The following SEMA6D variants were observed in gnomAD, a reference collection of about 807,000 sequenced individuals.
The protein encoded by SEMA6D is semaphorin 6D.
In SEMA6D, 35 loss-of-function variants were observed where a neutral mutation model predicts 106.6. The ratio of observed to expected loss-of-function variants is 0.33; its 90% confidence interval spans 0.25 to 0.44. The LOEUF (loss-of-function observed/expected upper bound fraction) is 0.44. Among genes scored for constraint, SEMA6D ranks in the 20% least tolerant of loss-of-function variants. The pLI is 1.00. For synonymous variants in SEMA6D, 499 were observed against 487.7 expected (o/e 1.02, Z -0.31); for missense variants, 1,185 against 1,345.9 (o/e 0.88, Z 1.87).
chr15:47,554,916 T>G (rs1047932760), intron 3 of SEMA6D, among the ~76,000 whole-genome samples: 3 of 152,166 alleles, frequency 2.0e-5, no homozygotes, highest in Middle Eastern at 3.2e-3. Flanking sequence ...GATAAATGAT[T>G]TATAATTATA....
At chr15:47,523,881 G>A (rs2044667110) in intron 3 of SEMA6D, among the ~76,000 whole-genome samples, 1 of 152,142 alleles carries the variant, frequency 6.6e-6, no homozygotes, top group Non-Finnish European at 1.5e-5. Context: ...TCATTATGTG[G>A]TAACTCAGAA....
chr15:47,211,159 TA>T (rs1220637520), intron 1 of SEMA6D, among the ~76,000 whole-genome samples: 1 of 152,172 alleles, frequency 6.6e-6, no homozygotes, highest in Non-Finnish European at 1.5e-5. Context: ...CATCTATCTA[TA>T]CTCTCTCTCT....
At chr15:47,648,724 T>A (rs780483877) in intron 4 of SEMA6D, among the ~76,000 whole-genome samples, 48 of 152,178 alleles carry the variant, frequency 3.2e-4, no homozygotes, top group Non-Finnish European at 1.3e-4. Context: ...TTTTTATGAC[T>A]TGTTTTATTA....
chr15:47,640,703 C>T (rs1177287026), intron 4 of SEMA6D, among the ~76,000 whole-genome samples: 5 of 152,106 alleles, frequency 3.3e-5, no homozygotes, highest in African/African-American at 1.2e-4. Flanking sequence ...TGACTCCTCC[C>T]TAGTGTTGAA....
intron 1 of SEMA6D, among the ~76,000 whole-genome samples, chr15:47,389,428 G>GAA (rs35391193): frequency 2.7e-5 from 4 of 146,400 alleles, no homozygotes; most frequent in Admixed American, 6.8e-5. Context: ...GAACTCTGGA[G>GAA]AAAAAAAAAA....
intron 2 of SEMA6D, among the ~76,000 whole-genome samples, chr15:47,449,160 A>G (rs2042113047): frequency 6.6e-6 from 1 of 152,126 alleles, no homozygotes; most frequent in Non-Finnish European, 1.5e-5. Context: ...CTGGTGATTT[A>G]TTGAGGCATA....
chr15:47,529,724 T>C (rs1432345612), intron 3 of SEMA6D, among the ~76,000 whole-genome samples: 2 of 152,170 alleles, frequency 1.3e-5, no homozygotes, highest in African/African-American at 4.8e-5. Flanking sequence ...AAGAGCTTTG[T>C]TCCACAAATG....
intron 4 of SEMA6D, among the ~76,000 whole-genome samples, chr15:47,666,254 G>T (rs1013507894): frequency 1.2e-4 from 19 of 152,300 alleles, no homozygotes; most frequent in African/African-American, 4.6e-4. Context: ...AAAGAAACAA[G>T]AAATTAAACT....
intron 1 of SEMA6D, among the ~76,000 whole-genome samples, chr15:47,235,500 A>G (rs57715236): frequency 0.069 from 10,453 of 151,858 alleles, 1,296 homozygotes; most frequent in East Asian, 0.6. Flanking sequence ...GTTGATTTTT[A>G]TAGGTAGTTA....
At chr15:47,517,483 C>A (rs2044426285) in intron 3 of SEMA6D, among the ~76,000 whole-genome samples, 3 of 152,090 alleles carry the variant, frequency 2.0e-5, no homozygotes, top group Admixed American at 6.5e-5. Flanking sequence ...GTAGTGAATT[C>A]TATTTCAAGC....
At chr15:47,393,237 C>A (rs1418698538) in intron 1 of SEMA6D, 1 of 152,174 alleles carries the variant, frequency 6.6e-6, no homozygotes, top group Non-Finnish European at 1.5e-5. Context: ...AAATATTCTG[C>A]AATGTCTACA....
intron 2 of SEMA6D, among the ~76,000 whole-genome samples, chr15:47,435,069 T>C (rs375962347): frequency 6.6e-6 from 1 of 152,286 alleles, no homozygotes; most frequent in South Asian, 2.1e-4. Context: ...CTTAACCATG[T>C]TGGAAACATC....
chr15:47,415,356 A>G lies in SEMA6D; in HGVS notation c.-159+2884A>G, dbSNP rs184037284. Reference sequence around the variant, plus strand: ...GGAGGTTATAGAGGAAATGTTTACAATACAATCCCTGTCAGTAAGGGGAGT... The same window carrying G: ...GGAGGTTATAGAGGAAATGTTTACAGTACAATCCCTGTCAGTAAGGGGAGT... On this transcript the variant is annotated intron_variant, in intron 2 of 19. Transcript: ENST00000558014. Among the ~76,000 whole-genome samples the G allele has an allele frequency of 3.3e-5, 5 of 152,294 alleles. No homozygotes were observed. The East Asian group carries it at 7.7e-4, about 24-fold the overall frequency.
At chr15:47,260,813 A>G (rs192867155) in intron 1 of SEMA6D, among the ~76,000 whole-genome samples, 1 of 151,748 alleles carries the variant, frequency 6.6e-6, no homozygotes, top group Non-Finnish European at 1.5e-5. Flanking sequence ...CAGTAGCAAG[A>G]CTCCTGATTG....
intron 3 of SEMA6D, among the ~76,000 whole-genome samples, chr15:47,535,081 A>C (rs938116455): frequency 7.3e-5 from 11 of 151,648 alleles, no homozygotes; most frequent in African/African-American, 2.4e-4. Context: ...AAAAAAAAAA[A>C]AACACAAAAA....
At chr15:47,659,240 C>T (rs2077867584) in intron 4 of SEMA6D, among the ~76,000 whole-genome samples, 1 of 151,632 alleles carries the variant, frequency 6.6e-6, no homozygotes, top group Non-Finnish European at 1.5e-5. Flanking sequence ...TTGATTTTAG[C>T]ACATTATATA....
At chr15:47,253,633 T>C (rs956620858) in intron 1 of SEMA6D, among the ~76,000 whole-genome samples, 1 of 152,192 alleles carries the variant, frequency 6.6e-6, no homozygotes, top group Admixed American at 6.5e-5. Flanking sequence ...CCCCAACATA[T>C]GTTCTTGGCA....
intron 2 of SEMA6D, among the ~76,000 whole-genome samples, chr15:47,418,973 T>A (rs142127383): frequency 6.6e-6 from 1 of 152,268 alleles, no homozygotes; most frequent in African/African-American, 2.4e-5. Flanking sequence ...GGGTTATGAT[T>A]CCACCAGGAA....
At chr15:47,755,774 C>G (rs954245913) in intron 1 of SEMA6D, among the ~76,000 whole-genome samples, 1 of 151,024 alleles carries the variant, frequency 6.6e-6, no homozygotes, top group Non-Finnish European at 1.5e-5. Context: ...TAGCTATACT[C>G]TCATTTTTAT....
Sources: allele counts gnomAD v4.1 joint callset (sites outside exome capture counted in the v4.1 genomes callset), GRCh38; gene constraint gnomAD v4.1.1; transcripts MANE v1.5; gene names NCBI Gene and HGNC (gene_info 2026-07-23, HGNC 2026-07-21).